The following PELO variants were observed in gnomAD, a reference collection of about 807,000 sequenced individuals.
PELO encodes the protein protein pelota homolog.
PELO carries 19 observed loss-of-function variants against 25.9 expected under a neutral mutation model. The ratio of observed to expected loss-of-function variants is 0.73; its 90% CI spans 0.51 to 1.08. The LOEUF (loss-of-function observed/expected upper bound fraction) is 1.08, where lower values mean the gene tolerates loss of function less well. PELO is among the 50% of genes least tolerant of loss of function. The pLI is 0.00. For synonymous variants in PELO, 196 were observed against 192.2 expected (o/e 1.02, Z -0.16); for missense variants, 498 against 491.4 (o/e 1.01, Z -0.13).
chr5:52,788,451 G>A (rs950719497), intron 1 of PELO, 37 bp downstream of exon 1: 11 of 1,453,680 alleles, frequency 7.6e-6, no homozygotes, highest in Non-Finnish European at 1.0e-5. Flanking sequence ...TCTCCTGCTC[G>A]CGGGCTTGGG....
intron 1 of PELO, among the ~76,000 whole-genome samples, chr5:52,793,698 T>C (rs1748285669): frequency 6.6e-6 from 1 of 152,068 alleles, no homozygotes; most frequent in African/African-American, 2.4e-5. Flanking sequence ...TATAACATTG[T>C]TCCTCTCAGT....
Position 52,803,723 on chromosome 5 carries a change from C to T in PELO, c.*1883C>T, listed in dbSNP as rs1049868196. The T allele has an allele frequency of 1.3e-5, 2 of 152,088 alleles. No homozygotes were observed. The highest frequency in any genetic ancestry group is 4.8e-5 in the African/African-American group (2 of 41,408). 9.4% of individuals were successfully genotyped at this position (152,088 alleles called of 1,614,324 possible). On this transcript the variant is annotated 3_prime_UTR_variant, in exon 3 of 3. Coordinates refer to ENST00000274311, the MANE Select transcript of PELO (RefSeq NM_015946.5). Reference sequence around the variant, plus strand: ...GGCCTTGCTATTCAAAAGTATGGTCCGTAAACCAGCAGCATCCCTGAGAGC... The same window carrying T: ...GGCCTTGCTATTCAAAAGTATGGTCTGTAAACCAGCAGCATCCCTGAGAGC...
In PELO at chr5:52,788,262, G is replaced by C. The variant is rs535714899; in HGVS notation, c.-663G>C. The stretch of plus-strand genomic sequence containing the variant: ...GCAGAGGACTGGGAACCGCGGCAGC[G>C]GGATAAGTGGCCCAGCCAGAGAGCG... On this transcript the variant is annotated 5_prime_UTR_variant, in exon 1 of 3. Transcript: ENST00000274311. The C allele has an allele frequency of 6.1e-5, 61 of 997,760 alleles. No homozygotes were observed. The South Asian group carries it at 8.2e-4, about 13-fold the overall frequency. The allele number at this position is 997,760 out of a possible 1,614,324, so 61.8% of individuals were successfully genotyped here.
At position 52,800,332 on chromosome 5, in the gene PELO, C is replaced by G; in HGVS notation, c.-63C>G. 1.3e-6 allele frequency: 2 copies of G among 1,589,988 alleles called. No homozygotes were observed. The highest frequency in any genetic ancestry group is 2.2e-5 in the East Asian group (1 of 44,752). On this transcript the variant is annotated 5_prime_UTR_variant, in exon 2 of 3. Transcript: ENST00000274311. ...CTGGCCTGCATTCCCATCCCCTCTCCCGGGGCGGAGGTGAGGACCTCCTTG... is the reference window on the plus strand; with the variant it reads ...CTGGCCTGCATTCCCATCCCCTCTCGCGGGGCGGAGGTGAGGACCTCCTTG...
Position 52,802,453 on chromosome 5 carries a change from T to C in PELO, c.*613T>C, listed in dbSNP as rs1423322120. The C allele has an allele frequency of 6.6e-6, 1 of 152,222 alleles. No individual in the cohort carries two copies. The highest frequency in any genetic ancestry group is 1.5e-5 in the Non-Finnish European group (1 of 68,044). 9.4% of individuals were successfully genotyped at this position (152,222 alleles called of 1,614,324 possible). On this transcript the variant is annotated 3_prime_UTR_variant, in exon 3 of 3. Coordinates refer to ENST00000274311, the MANE Select transcript of PELO (RefSeq NM_015946.5). Reference sequence around the variant, plus strand: ...TAAAAGGAAATTCTTGGTTTTGGTTTGTTGTTGTTAGCATTAGTCATATTT... The same window carrying C: ...TAAAAGGAAATTCTTGGTTTTGGTTCGTTGTTGTTAGCATTAGTCATATTT...
rs890101320 is a variant in PELO at position 52,803,911 on chromosome 5, G to A, written c.*2071G>A. ...AATCTCTGGCAGGGGTCCCCAGTCA[G>A]GAAAAAGATTTGAGTATTAAGGTCT... On this transcript the variant is annotated 3_prime_UTR_variant, in exon 3 of 3. Transcript: ENST00000274311. 2.6e-5 allele frequency: 4 copies of A among 152,066 alleles called. No homozygotes were observed. The highest frequency in any genetic ancestry group is 9.7e-5 in the African/African-American group (4 of 41,412). The allele number at this position is 152,066 out of a possible 1,614,324, so 9.4% of individuals were successfully genotyped here. A position where few individuals can be genotyped will look rare whatever the true frequency, so the allele number is the denominator to read the frequency against.
chr5:52,798,299 A>C lies in PELO; in HGVS notation c.-510-1586A>C, dbSNP rs150179285. Among the ~76,000 whole-genome samples the C allele has an allele frequency of 2.0e-4, 30 of 152,266 alleles. No individual in the cohort carries two copies. In the East Asian group the frequency reaches 3.7e-3, roughly 19 times the overall value. On this transcript the variant is annotated intron_variant, in intron 1 of 2. Coordinates refer to ENST00000274311, the MANE Select transcript of PELO (RefSeq NM_015946.5). ...GGAGGAAGTAAGGGGAGACATAGAGAGCGAGAAACAAAGAGAAAAGAGGCC... is the reference window on the plus strand; with the variant it reads ...GGAGGAAGTAAGGGGAGACATAGAGCGCGAGAAACAAAGAGAAAAGAGGCC...
chr5:52,787,980 C>CAGAT lies in PELO; in HGVS notation c.-944_-941dup, dbSNP rs1748155162. On this transcript the variant is annotated 5_prime_UTR_variant, in exon 1 of 3. In the 5' UTR this introduces an upstream ATG that the reference lacks. Coordinates refer to ENST00000274311, the MANE Select transcript of PELO (RefSeq NM_015946.5). Reference sequence around the variant, plus strand: ...ACGAGATCACCCTCTCAATGAAAGGCAGATGTCCCTTTAAGGTTTGCTTCT... The same window carrying CAGAT: ...ACGAGATCACCCTCTCAATGAAAGGCAGATAGATGTCCCTTTAAGGTTTGCTTCT... 4.8e-6 allele frequency: 1 copy of CAGAT among 207,792 alleles called. No homozygotes were observed. Among genetic ancestry groups the CAGAT allele is most frequent in the South Asian group, 1.7e-4 (1 of 5,918 alleles). 12.9% of individuals were successfully genotyped at this position (207,792 alleles called of 1,614,324 possible). A position where few individuals can be genotyped will look rare whatever the true frequency, so the allele number is the denominator to read the frequency against.
At position 52,800,964 on chromosome 5, in the gene PELO, C is replaced by T; in HGVS notation, c.570C>T (p.Val190=). The T allele has an allele frequency of 6.2e-7, 1 of 1,614,146 alleles. No homozygotes were observed. Among genetic ancestry groups the T allele is most frequent in the Non-Finnish European group, 8.5e-7 (1 of 1,180,034 alleles). Residue 190 remains valine (V), a synonymous_variant, in exon 2 of 3, where the codon GTC becomes GTT. Coordinates refer to ENST00000274311, the MANE Select transcript of PELO (RefSeq NM_015946.5). The part of the protein sequence containing the change: ...RALERFYEQV[V]QAIQRHIHFD... ...TGGAGCGGTTCTATGAACAGGTGGT[C>T]CAGGCTATCCAGCGCCACATACACT...
chr5:52,792,487 A>G (rs1580019749), intron 1 of PELO, among the ~76,000 whole-genome samples: 2 of 152,256 alleles, frequency 1.3e-5, no homozygotes, highest in South Asian at 4.1e-4. Flanking sequence ...TAGTTTAACT[A>G]TTTCTCTTCC....
chr5:52,802,056 T>C lies in PELO; in HGVS notation c.*216T>C. 1 of 467,712 alleles carries C rather than the reference T, an allele frequency of 2.1e-6. No individual in the cohort carries two copies. Among genetic ancestry groups the C allele is most frequent in the East Asian group, 3.6e-5 (1 of 27,744 alleles). 29.0% of individuals were successfully genotyped at this position (467,712 alleles called of 1,614,324 possible). On this transcript the variant is annotated 3_prime_UTR_variant, in exon 3 of 3. Coordinates refer to ENST00000274311, the MANE Select transcript of PELO (RefSeq NM_015946.5). ...AATCTCCACGTACTACCATCTTGAT[T>C]AAATTGTGTAATTTTTTATAGGAAT...
Position 52,800,097 on chromosome 5 carries a change from T to G in PELO, c.-298T>G. 2.7e-5 allele frequency: 9 copies of G among 335,026 alleles called. No homozygotes were observed. The highest frequency in any genetic ancestry group is 3.6e-5 in the Non-Finnish European group (7 of 192,936). The allele number at this position is 335,026 out of a possible 1,614,324, so 20.8% of individuals were successfully genotyped here. On this transcript the variant is annotated 5_prime_UTR_variant, in exon 2 of 3. Coordinates refer to ENST00000274311, the MANE Select transcript of PELO (RefSeq NM_015946.5). ...GACGGGGGCTGCGCATGCGCCTTCA[T>G]TTCGTCAGCCCGCTGTTGCGTGCTG...
At chr5:52,789,459 G>A (rs1266322671) in intron 1 of PELO, among the ~76,000 whole-genome samples, 1 of 152,158 alleles carries the variant, frequency 6.6e-6, no homozygotes, top group Non-Finnish European at 1.5e-5. Flanking sequence ...TGCCTTAGAT[G>A]GCCAAGCATT....
chr5:52,798,633 T>C (rs979227454), intron 1 of PELO, among the ~76,000 whole-genome samples: 2 of 152,158 alleles, frequency 1.3e-5, no homozygotes, highest in African/African-American at 4.8e-5. Context: ...GGGAAAATAG[T>C]CATTCATGCC....
In PELO at chr5:52,800,498, T is replaced by A. The variant is rs777164866; in HGVS notation, c.104T>A (p.Val35Glu). ...TGGCACACTTACAACCTCGTGCAGG[T>A]GGGCGACAGCCTGCGCGCCTCCACC... is the stretch of plus-strand genomic sequence containing the variant. ...DMWHTYNLVQVGDSLRASTIR... is the reference protein window; with the variant it reads ...DMWHTYNLVQEGDSLRASTIR... Residue 35 changes from valine to glutamate, a missense_variant, in exon 2 of 3, where the codon GTG becomes GAG. Physicochemically the swap from Val to Glu is moderately radical, Grantham distance 121. Coordinates refer to ENST00000274311, the MANE Select transcript of PELO (RefSeq NM_015946.5). 3 of 1,614,018 alleles carry A rather than the reference T, an allele frequency of 1.9e-6. No individual in the cohort carries two copies. Among genetic ancestry groups the A allele is most frequent in the Non-Finnish European group, 2.5e-6 (3 of 1,180,024 alleles).
In PELO at chr5:52,788,038, C is replaced by T. The variant is rs1291004994; in HGVS notation, c.-887C>T. The T allele has an allele frequency of 6.1e-6, 2 of 330,460 alleles. No homozygotes were observed. The highest frequency in any genetic ancestry group is 1.8e-4 in the South Asian group (2 of 11,062). 20.5% of individuals were successfully genotyped at this position (330,460 alleles called of 1,614,324 possible). Reference sequence around the variant, plus strand: ...GTGGACTTTAGCCTAAACACGGACCCGCGAAGCTGGCTTTATTTGTCCATG... The same window carrying T: ...GTGGACTTTAGCCTAAACACGGACCTGCGAAGCTGGCTTTATTTGTCCATG... On this transcript the variant is annotated 5_prime_UTR_variant, in exon 1 of 3. Coordinates refer to ENST00000274311, the MANE Select transcript of PELO (RefSeq NM_015946.5).
chr5:52,792,025 A>T (rs1292861410), intron 1 of PELO, among the ~76,000 whole-genome samples: 4 of 152,218 alleles, frequency 2.6e-5, no homozygotes, highest in Non-Finnish European at 4.4e-5. Flanking sequence ...AAATACTTGG[A>T]TAAAGACCTA....
intron 1 of PELO, among the ~76,000 whole-genome samples, chr5:52,789,275 G>C (rs1031275721): frequency 6.6e-6 from 1 of 152,106 alleles, no homozygotes; most frequent in African/African-American, 2.4e-5. Context: ...AAAGTGTATC[G>C]ATAGAATCTC....
Position 52,800,697 on chromosome 5 carries a change from C to T in PELO, c.303C>T (p.Thr101=), listed in dbSNP as rs371706485. ...NEYVKMGAYH[T]IELEPNRQFT... is the part of the protein sequence containing the mutation. ...ATGTCAAGATGGGGGCTTACCACAC[C>T]ATCGAGCTGGAGCCCAACCGCCAGT... is the stretch of plus-strand genomic sequence containing the variant. The change falls in exon 2 of 3, where the codon ACC becomes ACT. Residue 101 remains threonine (T), a synonymous_variant. Coordinates refer to ENST00000274311, the MANE Select transcript of PELO (RefSeq NM_015946.5). 2.8e-5 allele frequency: 46 copies of T among 1,614,186 alleles called. No homozygotes were observed. In the African/African-American group the frequency reaches 3.7e-4, roughly 13 times the overall value.
Sources: allele counts gnomAD v4.1 joint callset (sites outside exome capture counted in the v4.1 genomes callset), GRCh38; gene constraint gnomAD v4.1.1; transcripts MANE v1.5; gene names NCBI Gene and HGNC (gene_info 2026-07-23, HGNC 2026-07-21).